The following EYS variants were observed in gnomAD, a reference collection of about 807,000 sequenced individuals.
EYS encodes EGF-like photoreceptor maintenance factor.
In EYS, 250 loss-of-function variants were observed where a neutral mutation model predicts 282.1. The ratio of observed to expected loss-of-function variants is 0.89; its 90% CI spans 0.80 to 0.98. The LOEUF (loss-of-function observed/expected upper bound fraction) is 0.98, where lower values mean the gene tolerates loss of function less well. EYS is among the 50% of genes least tolerant of loss of function. The probability of loss-of-function intolerance (pLI) is 0.00; values close to 1 mark genes in which losing one functional copy is unlikely to be tolerated. For missense variants in EYS, 4,016 were observed against 3,709.0 expected (o/e 1.08, Z -2.15); for synonymous variants, 1,355 against 1,282.9 (o/e 1.06, Z -1.20).
intron 14 of EYS, among the ~76,000 whole-genome samples, chr6:64,979,136 C>T (rs1770570830): frequency 6.6e-6 from 1 of 151,660 alleles, no homozygotes; most frequent in Admixed American, 6.6e-5. Context: ...TTTGTGAAAG[C>T]AAGAGTCAAC....
At chr6:65,438,566 C>G (rs374303089) in intron 5 of EYS, among the ~76,000 whole-genome samples, 1,603 of 152,148 alleles carry the variant, frequency 0.011, 29 homozygotes, top group African/African-American at 0.036. Context: ...GTGTGAGATG[C>G]TATCTCATTG....
intron 36 of EYS, among the ~76,000 whole-genome samples, chr6:63,818,877 G>A (rs1156822837): frequency 6.6e-6 from 1 of 152,232 alleles, no homozygotes; most frequent in Non-Finnish European, 1.5e-5. Context: ...ATTTGAAGCT[G>A]TAAGTAACAA....
chr6:64,229,145 A>G (rs1375165174), intron 31 of EYS, among the ~76,000 whole-genome samples: 2 of 151,938 alleles, frequency 1.3e-5, no homozygotes, highest in East Asian at 3.9e-4. Flanking sequence ...TGTGGTGGCT[A>G]ATGTCTGTAA....
chr6:65,026,152 C>G (rs1364444491), intron 13 of EYS, among the ~76,000 whole-genome samples: 2 of 151,754 alleles, frequency 1.3e-5, no homozygotes. Context: ...TTTATGAAAT[C>G]TTTACATAGC....
intron 28 of EYS, among the ~76,000 whole-genome samples, chr6:64,402,658 C>T (rs1477678280): frequency 6.6e-6 from 1 of 152,190 alleles, no homozygotes; most frequent in African/African-American, 2.4e-5. Context: ...GATTTCCTAA[C>T]ATTGACAGGC....
intron 31 of EYS, among the ~76,000 whole-genome samples, chr6:64,131,193 G>A (rs908632125): frequency 7.9e-5 from 12 of 152,058 alleles, no homozygotes; most frequent in Non-Finnish European, 1.3e-4. Flanking sequence ...ATGATTACAC[G>A]AAGCCATTGG....
At chr6:63,997,077 A>G (rs1767868949) in intron 34 of EYS, among the ~76,000 whole-genome samples, 1 of 152,198 alleles carries the variant, frequency 6.6e-6, no homozygotes, top group African/African-American at 2.4e-5. Context: ...AGGCAGTGCT[A>G]GAACCTATTT....
chr6:65,686,018 G>A (rs1329628573), intron 1 of EYS, among the ~76,000 whole-genome samples: 8 of 151,828 alleles, frequency 5.3e-5, no homozygotes, highest in East Asian at 1.9e-4. Context: ...AGATTATTTC[G>A]AGCTCTTCCT....
At chr6:65,119,431 C>G (rs1775463412) in intron 12 of EYS, among the ~76,000 whole-genome samples, 1 of 151,890 alleles carries the variant, frequency 6.6e-6, no homozygotes, top group African/African-American at 2.4e-5. Flanking sequence ...TTTCAGAAAC[C>G]AACAAAACCA....
intron 33 of EYS, among the ~76,000 whole-genome samples, chr6:64,006,285 T>C (rs891779023): frequency 5.3e-5 from 8 of 152,132 alleles, no homozygotes; most frequent in Admixed American, 2.0e-4. Context: ...TTTTGGTGTA[T>C]AGAAATGCTA....
At chr6:65,696,305 A>G (rs1370110561) in intron 1 of EYS, among the ~76,000 whole-genome samples, 1 of 151,998 alleles carries the variant, frequency 6.6e-6, no homozygotes, top group African/African-American at 2.4e-5. Flanking sequence ...TATTTACTTT[A>G]CCATATTTGG....
chr6:64,455,640 T>C (rs1350541596), intron 26 of EYS, among the ~76,000 whole-genome samples: 1 of 152,036 alleles, frequency 6.6e-6, no homozygotes, highest in African/African-American at 2.4e-5. Flanking sequence ...GTGTGTGATA[T>C]TCCCTTCCCT....
At chr6:64,731,476 C>A (rs1771962778) in intron 22 of EYS, among the ~76,000 whole-genome samples, 1 of 152,108 alleles carries the variant, frequency 6.6e-6, no homozygotes, top group Admixed American at 6.6e-5. Context: ...AAGAAAAATA[C>A]AATGCTATCA....
At chr6:64,239,703 T>G (rs920305786) in intron 30 of EYS, among the ~76,000 whole-genome samples, 3 of 152,156 alleles carry the variant, frequency 2.0e-5, no homozygotes, top group African/African-American at 7.2e-5. Context: ...ATTCTGTTGG[T>G]TGCCTGTTCA....
chr6:64,985,318 A>T (rs2150119111), intron 14 of EYS, among the ~76,000 whole-genome samples: 1 of 151,700 alleles, frequency 6.6e-6, no homozygotes, highest in African/African-American at 2.4e-5. Context: ...GAATAAGAAG[A>T]AGTAGCAAAT....
chr6:64,476,272 G>A (rs1395526995), intron 26 of EYS, among the ~76,000 whole-genome samples: 1 of 152,016 alleles, frequency 6.6e-6, no homozygotes, highest in East Asian at 1.9e-4. Flanking sequence ...TCTTTATATT[G>A]CATGCTTCTA....
chr6:65,113,129 T>G (rs1168470404), intron 12 of EYS, among the ~76,000 whole-genome samples: 2 of 152,044 alleles, frequency 1.3e-5, no homozygotes, highest in African/African-American at 4.8e-5. Flanking sequence ...AGCAGAAACA[T>G]GAGGCACTAA....
intron 35 of EYS, among the ~76,000 whole-genome samples, chr6:63,929,303 G>T (rs1457000232): frequency 6.6e-6 from 1 of 152,112 alleles, no homozygotes; most frequent in Non-Finnish European, 1.5e-5. Flanking sequence ...AGTCTGCAGG[G>T]TCTGTGTCAA....
intron 26 of EYS, among the ~76,000 whole-genome samples, chr6:64,446,604 C>A (rs1386695530): frequency 6.6e-6 from 1 of 151,392 alleles, no homozygotes; most frequent in Non-Finnish European, 1.5e-5. Flanking sequence ...AATTCTATAT[C>A]AATTTTTAAA....
Sources: gnomAD v4.1 joint callset for allele counts (sites outside exome capture counted in the v4.1 genomes callset) on GRCh38, gnomAD v4.1.1 for gene constraint, MANE v1.5 for transcripts, NCBI Gene and HGNC (gene_info 2026-07-23, HGNC 2026-07-21) for gene names.